ZNF107: variants seen among roughly 807,000 people sequenced by gnomAD.
ZNF107 encodes the protein zinc finger protein 107.
A neutral mutation model predicts 12.3 loss-of-function variants in ZNF107; 19 were observed. That is an observed-to-expected ratio of 1.55 (90% confidence interval 1.08 to 2.27). The LOEUF (loss-of-function observed/expected upper bound fraction) is 2.27. Ranked by LOEUF, ZNF107 falls within the 30% of genes most tolerant of loss-of-function variation. ZNF107 has a pLI of 0.00. For missense variants in ZNF107, 958 were observed against 979.9 expected, an observed-to-expected ratio of 0.98 and a Z score of 0.30; for synonymous variants, 317 against 330.5, an observed-to-expected ratio of 0.96 and a Z score of 0.44.
chr7:64,690,456 TG>T (rs1790077204), intron 1 of ZNF107: 5 of 985,292 alleles, frequency 5.1e-6, no homozygotes, highest in Non-Finnish European at 6.0e-6. Flanking sequence ...ATCAGAGTTT[TG>T]GCTGGTGCCT....
rs75793851 is a variant in ZNF107, at chr7:64,707,919, C to T, written c.1822C>T (p.Arg608Cys). ...FGKAFKQSSH[R>C]TIHKIIHTGE... ...CAAGGCCTTTAAACAGTCCTCACAC[C>T]GTACTATACATAAAATTATTCATAC... Residue 608 changes from arginine to cysteine, a missense_variant, in exon 4 of 4, where the codon CGT (arginine) becomes TGT (cysteine). Transcript: ENST00000620827. The T allele has an allele frequency of 1.9e-3, 3,137 of 1,613,442 alleles. 57 individuals carry two copies. In the African/African-American group the frequency reaches 0.037, roughly 19 times the overall value.
rs1461956911 is a variant in ZNF107, at chr7:64,690,477, G to C, written c.4-771G>C. 6.1e-6 allele frequency: 6 copies of C among 981,488 alleles called. No homozygotes were observed. The African/African-American group carries it at 1.1e-4, about 18-fold the overall frequency. The allele number at this position is 981,488 out of a possible 1,614,324, so 60.8% of individuals were successfully genotyped here. Reference sequence around the variant, plus strand: ...GTTTTGGCTGGTGCCTTTCCGGAGTGGTTGCTAACAATTCCCGAATTCCAC... The same window carrying C: ...GTTTTGGCTGGTGCCTTTCCGGAGTCGTTGCTAACAATTCCCGAATTCCAC... On this transcript the variant is annotated intron_variant, in intron 1 of 3. Coordinates refer to ENST00000620827, the MANE Select transcript of ZNF107 (RefSeq NM_001282359.2).
chr7:64,684,298 A>C (rs747980293), intron 1 of ZNF107, among the ~76,000 whole-genome samples: 6 of 152,096 alleles, frequency 3.9e-5, no homozygotes, highest in Non-Finnish European at 7.3e-5. Context: ...TAGGAATGAA[A>C]TCTGTCAGGC....
chr7:64,709,063 G>A lies in ZNF107; in HGVS notation c.*407G>A, dbSNP rs1790799511. 1.3e-5 allele frequency: 6 copies of A among 457,334 alleles called. No homozygotes were observed. The highest frequency in any genetic ancestry group is 2.2e-5 in the Non-Finnish European group (5 of 227,964). The allele number at this position is 457,334 out of a possible 1,614,324, so 28.3% of individuals were successfully genotyped here. Reference sequence around the variant, plus strand: ...GAACTCTATAGTTGTGAAGAATGTGGCAAAGCTTTTAACCAATCCTCATAC... The same window carrying A: ...GAACTCTATAGTTGTGAAGAATGTGACAAAGCTTTTAACCAATCCTCATAC... On this transcript the variant is annotated 3_prime_UTR_variant, in exon 4 of 4. Transcript: ENST00000620827.
intron 3 of ZNF107, among the ~76,000 whole-genome samples, 178 bp from the exon 4 acceptor site, chr7:64,706,144 CAA>C (rs1183244981): frequency 1.3e-5 from 2 of 152,090 alleles, no homozygotes; most frequent in Non-Finnish European, 2.9e-5. Flanking sequence ...AAATTTTCCA[CAA>C]ATGTATTTTG....
intron 1 of ZNF107, among the ~76,000 whole-genome samples, chr7:64,675,793 G>T (rs1052906465): frequency 6.6e-6 from 1 of 152,138 alleles, no homozygotes; most frequent in Non-Finnish European, 1.5e-5. Flanking sequence ...GTTCTCATTT[G>T]TTCCAAAGAA....
At chr7:64,697,484 A>G (rs1465281921) in intron 3 of ZNF107, among the ~76,000 whole-genome samples, 1 of 152,106 alleles carries the variant, frequency 6.6e-6, no homozygotes, top group East Asian at 1.9e-4. Flanking sequence ...CACCTGTTGT[A>G]TGTATATGTT....
At chr7:64,668,170 T>G (rs1186486656) in intron 1 of ZNF107, among the ~76,000 whole-genome samples, 1 of 152,004 alleles carries the variant, frequency 6.6e-6, no homozygotes, top group African/African-American at 2.4e-5. Context: ...TTTATTATTA[T>G]TATACTTTAA....
chr7:64,699,733 G>T (rs1584486684), intron 3 of ZNF107, among the ~76,000 whole-genome samples: 1 of 152,056 alleles, frequency 6.6e-6, no homozygotes, highest in African/African-American at 2.4e-5. Flanking sequence ...CATAAGACTT[G>T]GTTTGATTCC....
intron 1 of ZNF107, among the ~76,000 whole-genome samples, chr7:64,685,031 A>C (rs866008538): frequency 1.1e-4 from 16 of 152,288 alleles, no homozygotes; most frequent in African/African-American, 3.4e-4. Context: ...CCTCGTAATG[A>C]AGGAAAAAGC....
intron 1 of ZNF107, among the ~76,000 whole-genome samples, chr7:64,671,513 A>G (rs932600005): frequency 1.3e-5 from 2 of 152,140 alleles, no homozygotes; most frequent in African/African-American, 2.4e-5. Flanking sequence ...ACCTGTTCAT[A>G]ATCTCATCTG....
chr7:64,676,830 A>G (rs1789429295), intron 1 of ZNF107, among the ~76,000 whole-genome samples: 1 of 152,080 alleles, frequency 6.6e-6, no homozygotes, highest in Non-Finnish European at 1.5e-5. Flanking sequence ...ACAGATGCCT[A>G]TCTGTTCCTC....
Position 64,679,332 on chromosome 7 carries a change from G to C in ZNF107, c.4-11916G>C. On this transcript the variant is annotated intron_variant, in intron 1 of 3. Transcript: ENST00000620827. ...TGTAAAAGCCCCGCCTCTGCCTTCG[G>C]ATAGGTAAGAGACCTCCATCCTTTC... The C allele has an allele frequency of 3.0e-6, 3 of 985,198 alleles. 1 individual carries two copies. In the South Asian group the frequency reaches 1.4e-4, roughly 46 times the overall value. The allele number at this position is 985,198 out of a possible 1,614,324, so 61.0% of individuals were successfully genotyped here.
chr7:64,678,706 A>C (rs1789524776), intron 1 of ZNF107, among the ~76,000 whole-genome samples: 1 of 152,212 alleles, frequency 6.6e-6, no homozygotes. Context: ...TCCAATGTGA[A>C]AGAAAATTTA....
chr7:64,668,772 C>A (rs953134530), intron 1 of ZNF107, among the ~76,000 whole-genome samples: 7 of 151,756 alleles, frequency 4.6e-5, no homozygotes, highest in Admixed American at 6.6e-5. Flanking sequence ...CAACGGTATT[C>A]CAAGGCTTAG....
At chr7:64,673,495 A>T (rs1789311013) in intron 1 of ZNF107, among the ~76,000 whole-genome samples, 2 of 152,210 alleles carry the variant, frequency 1.3e-5, no homozygotes, top group Admixed American at 1.3e-4. Flanking sequence ...CCTTTGTGAG[A>T]AGCATAGTTT....
At position 64,700,967 on chromosome 7, in the gene ZNF107, C is replaced by T. The variant is rs1790457914; in HGVS notation, c.227-5357C>T. On this transcript the variant is annotated intron_variant, in intron 3 of 3. Coordinates refer to ENST00000620827, the MANE Select transcript of ZNF107 (RefSeq NM_001282359.2). ...TCTGAACTGTTATTGAAAATAGGGTCTTGATGTCTACAATTATGTTGCTAT... is the reference window on the plus strand; with the variant it reads ...TCTGAACTGTTATTGAAAATAGGGTTTTGATGTCTACAATTATGTTGCTAT... Among the ~76,000 whole-genome samples the T allele has an allele frequency of 2.0e-5, 3 of 152,092 alleles. No homozygotes were observed. In the South Asian group the frequency reaches 6.2e-4, roughly 32 times the overall value.
chr7:64,670,279 CT>C (rs535900039), intron 1 of ZNF107, among the ~76,000 whole-genome samples: 16 of 147,456 alleles, frequency 1.1e-4, no homozygotes, highest in East Asian at 2.0e-4. Flanking sequence ...CAGACAAAGA[CT>C]TTTTTTTTTA....
chr7:64,669,587 A>G (rs1464502288), intron 1 of ZNF107, among the ~76,000 whole-genome samples: 1 of 152,028 alleles, frequency 6.6e-6, no homozygotes, highest in African/African-American at 2.4e-5. Context: ...TGAGGTCAAG[A>G]GTTCAAGACC....
Sources: gnomAD v4.1 joint callset for allele counts (sites outside exome capture counted in the v4.1 genomes callset) on GRCh38, gnomAD v4.1.1 for gene constraint, MANE v1.5 for transcripts, NCBI Gene and HGNC (gene_info 2026-07-23, HGNC 2026-07-21) for gene names.